The following R3HCC1L variants were observed in gnomAD, a reference collection of about 807,000 sequenced individuals.
The protein encoded by R3HCC1L is R3H domain and coiled-coil containing 1 like, also known as coiled-coil domain-containing protein R3HCC1L.
In R3HCC1L, 51 loss-of-function variants were observed where a neutral mutation model predicts 59.9. The ratio of observed to expected loss-of-function variants is 0.85; its 90% CI spans 0.68 to 1.07. The LOEUF (loss-of-function observed/expected upper bound fraction) is 1.07. R3HCC1L is among the 50% of genes least tolerant of loss of function. R3HCC1L has a pLI of 0.00. For synonymous variants in R3HCC1L, 322 were observed against 315.2 expected, an observed-to-expected ratio of 1.02 and a Z score of -0.23; for missense variants, 965 against 933.0, an observed-to-expected ratio of 1.03 and a Z score of -0.45.
intron 4 of R3HCC1L, among the ~76,000 whole-genome samples, chr10:98,205,740 A>T (rs1852565155): frequency 6.6e-6 from 1 of 152,218 alleles, no homozygotes; most frequent in African/African-American, 2.4e-5. Context: ...TATTTAAGAA[A>T]AAAAGGTTGA....
chr10:98,179,291 G>A (rs551785314), intron 4 of R3HCC1L, among the ~76,000 whole-genome samples: 23 of 152,102 alleles, frequency 1.5e-4, no homozygotes, highest in South Asian at 1.2e-3. Flanking sequence ...GAATTTTGTC[G>A]AAGGCCTTTT....
At chr10:98,170,504 T>G (rs1590528240) in intron 4 of R3HCC1L, among the ~76,000 whole-genome samples, 1 of 152,166 alleles carries the variant, frequency 6.6e-6, no homozygotes, top group African/African-American at 2.4e-5. Flanking sequence ...TTGTTTTAAT[T>G]TTTTAGAGAC....
At chr10:98,166,595 T>G (rs1847969570) in intron 4 of R3HCC1L, among the ~76,000 whole-genome samples, 1 of 152,172 alleles carries the variant, frequency 6.6e-6, no homozygotes, top group Non-Finnish European at 1.5e-5. Context: ...TTAGTGATAT[T>G]TTTCTCCTCT....
chr10:98,242,142 C>A (rs916773104), intron 9 of R3HCC1L, among the ~76,000 whole-genome samples: 1 of 152,150 alleles, frequency 6.6e-6, no homozygotes, highest in Non-Finnish European at 1.5e-5. Flanking sequence ...CTCAGGAGTT[C>A]AAGACCATTC....
At chr10:98,197,246 C>G (rs1455001541) in intron 4 of R3HCC1L, among the ~76,000 whole-genome samples, 1 of 152,026 alleles carries the variant, frequency 6.6e-6, no homozygotes, top group Non-Finnish European at 1.5e-5. Context: ...TGATACCACA[C>G]TTGTTTTCCT....
chr10:98,226,955 A>G (rs1855738682), intron 5 of R3HCC1L, among the ~76,000 whole-genome samples: 1 of 152,202 alleles, frequency 6.6e-6, no homozygotes, highest in Non-Finnish European at 1.5e-5. Context: ...TTCCCTTGTT[A>G]TCTTACAAAC....
intron 1 of R3HCC1L, among the ~76,000 whole-genome samples, chr10:98,154,095 T>C (rs1196375172): frequency 6.6e-6 from 1 of 151,800 alleles, no homozygotes; most frequent in East Asian, 1.9e-4. Flanking sequence ...TTTTCACATT[T>C]TGGAATGTTT....
chr10:98,139,105 A>T (rs1844873566), intron 1 of R3HCC1L, among the ~76,000 whole-genome samples: 8 of 152,194 alleles, frequency 5.3e-5, no homozygotes, highest in Admixed American at 5.2e-4. Context: ...ACACACAGCA[A>T]AGCTAATTGG....
chr10:98,175,898 G>A (rs772363150), intron 4 of R3HCC1L, among the ~76,000 whole-genome samples: 15 of 152,114 alleles, frequency 9.9e-5, no homozygotes, highest in Non-Finnish European at 2.2e-4. Flanking sequence ...TTTATTTATA[G>A]AAGTGTTAAA....
intron 5 of R3HCC1L, among the ~76,000 whole-genome samples, chr10:98,215,528 A>T (rs1854090462): frequency 1.3e-5 from 2 of 152,216 alleles, no homozygotes; most frequent in Admixed American, 6.5e-5. Context: ...TCAGCCACTG[A>T]TATTGATGCT....
At chr10:98,174,510 G>A in intron 4 of R3HCC1L, 1 of 836,416 alleles carries the variant, frequency 1.2e-6, no homozygotes, top group African/African-American at 1.8e-5. Flanking sequence ...GTGTGAGATG[G>A]CATTCATAAA....
intron 1 of R3HCC1L, among the ~76,000 whole-genome samples, chr10:98,147,757 C>T (rs1845796144): frequency 6.6e-6 from 1 of 152,104 alleles, no homozygotes; most frequent in Admixed American, 6.5e-5. Flanking sequence ...TATTTTGTCC[C>T]ATTGGTCTAT....
intron 9 of R3HCC1L, among the ~76,000 whole-genome samples, chr10:98,240,660 C>A (rs897934657): frequency 6.6e-6 from 1 of 152,208 alleles, no homozygotes; most frequent in Non-Finnish European, 1.5e-5. Context: ...ACAGTTCATA[C>A]CTTCTGAAAA....
chr10:98,154,102 GT>G (rs1413885075), intron 1 of R3HCC1L, among the ~76,000 whole-genome samples: 3 of 139,342 alleles, frequency 2.2e-5, no homozygotes, highest in African/African-American at 8.1e-5. Flanking sequence ...ATTTTGGAAT[GT>G]TTGCATTACT....
At chr10:98,174,758 A>G (rs544815922) in intron 4 of R3HCC1L, 2 of 982,100 alleles carry the variant, frequency 2.0e-6, no homozygotes, top group South Asian at 9.4e-5. Context: ...GGAAAATCTT[A>G]AATGCAAGGT....
At chr10:98,177,247 T>C (rs1849123140) in intron 4 of R3HCC1L, among the ~76,000 whole-genome samples, 2 of 152,236 alleles carry the variant, frequency 1.3e-5, no homozygotes, top group East Asian at 3.9e-4. Flanking sequence ...GTTTTCATTG[T>C]TCAATTCCCA....
chr10:98,174,234 C>T (rs1411428251), intron 4 of R3HCC1L, among the ~76,000 whole-genome samples: 1 of 152,098 alleles, frequency 6.6e-6, no homozygotes, highest in Non-Finnish European at 1.5e-5. Flanking sequence ...TAATGTTTTT[C>T]ATGTGTCGGG....
rs757577964 is a variant in R3HCC1L at position 98,236,104 on chromosome 10, C to T, written c.2209C>T (p.Arg737Ter). The change falls in exon 9 of 10, where the codon CGA becomes TGA. Residue 737 changes from arginine to a stop codon, truncating the protein, a stop_gained. Transcript: ENST00000298999. LOFTEE classifies it high-confidence loss of function. ...RRLVISALGVRSKQSKTEREA... is the reference protein window; with the variant it reads ...RRLVISALGV The stretch of plus-strand genomic sequence containing the variant: ...GTTAGTCATCAGTGCCCTTGGGGTT[C>T]GAAGTAAGCAGAGCAAAACCGAACG... The T allele has an allele frequency of 5.6e-6, 9 of 1,613,778 alleles. No individual in the cohort carries two copies. Among genetic ancestry groups the T allele is most frequent in the South Asian group, 4.4e-5 (4 of 91,056 alleles).
chr10:98,162,672 TTGTG>T lies in R3HCC1L; in HGVS notation c.-212-191_-212-188del, dbSNP rs138697556. 4.1e-3 allele frequency among the ~76,000 whole-genome samples: 603 copies of T among 148,094 alleles called. 4 individuals carry two copies. Among genetic ancestry groups the T allele is most frequent in the African/African-American group, 0.012 (502 of 40,648 alleles). ...TGAACATCTGTTCGTGTGTGTGTGT[TTGTG>T]TGTGTGTGTGTGTGTGTGTCTCTGT... On this transcript the variant is annotated intron_variant, in intron 2 of 9. Transcript: ENST00000298999.
Sources: allele counts gnomAD v4.1 joint callset (sites outside exome capture counted in the v4.1 genomes callset), GRCh38; gene constraint gnomAD v4.1.1; transcripts MANE v1.5; gene names NCBI Gene and HGNC (gene_info 2026-07-23, HGNC 2026-07-21).